METRN: variants seen among roughly 807,000 people sequenced by gnomAD.
The protein encoded by METRN is meteorin, glial cell differentiation regulator, also known as meteorin.
In METRN, 17 loss-of-function variants were observed where a neutral mutation model predicts 17.4. The ratio of observed to expected loss-of-function variants is 0.98; its 90% CI spans 0.67 to 1.46. METRN has a LOEUF of 1.46. Among genes scored for constraint, METRN ranks in the 40% most tolerant of loss-of-function variants. The pLI is 0.00. For missense variants in METRN, 489 were observed against 456.2 expected, an observed-to-expected ratio of 1.07 and a Z score of -0.65; for synonymous variants, 230 against 210.8, an observed-to-expected ratio of 1.09 and a Z score of -0.79.
In METRN at chr16:715,600, C is replaced by A. The variant is rs1433160792; in HGVS notation, c.121C>A (p.Pro41Thr). ...TGTCCCCAGCGGCCTCACCCAGGAG[C>A]CCGGCAGCGTGGGGCAGCTGGCCCT... is the stretch of plus-strand genomic sequence containing the variant. ...SWRGSGLTQEPGSVGQLALAC... is the reference protein window; with the variant it reads ...SWRGSGLTQETGSVGQLALAC... The change falls in exon 2 of 4, where the codon CCC (proline) becomes ACC (threonine). Residue 41 changes from proline to threonine, a missense_variant. Physicochemically the swap from Pro to Thr is conservative, Grantham distance 38. Transcript: ENST00000568223. The A allele has an allele frequency of 2.2e-6, 3 of 1,390,546 alleles. No individual in the cohort carries two copies. The highest frequency in any genetic ancestry group is 2.8e-6 in the Non-Finnish European group (3 of 1,078,018). 86.1% of individuals were successfully genotyped at this position (1,390,546 alleles called of 1,614,324 possible). A position where few individuals can be genotyped will look rare whatever the true frequency, so the allele number is the denominator to read the frequency against.
At position 715,150 on chromosome 16, in the gene METRN, G is replaced by A. The variant is rs2040149283; in HGVS notation, c.-140G>A. 1.1e-5 allele frequency: 2 copies of A among 181,684 alleles called. No individual in the cohort carries two copies. The highest frequency in any genetic ancestry group is 1.8e-4 in the South Asian group (1 of 5,460). 11.3% of individuals were successfully genotyped at this position (181,684 alleles called of 1,614,324 possible). ...CCCCGGCGCTGGGGCTGCGCGGCAG[G>A]CGGAGCGGCCGCGGGCTTGGGGGCT... On this transcript the variant is annotated 5_prime_UTR_variant, in exon 1 of 4. Coordinates refer to ENST00000568223, the MANE Select transcript of METRN (RefSeq NM_024042.4).
rs1258253008 is a variant in METRN, at chr16:718,294, C to G, written c.*907C>G. The G allele has an allele frequency of 6.6e-6, 1 of 152,290 alleles. No individual in the cohort carries two copies. The highest frequency in any genetic ancestry group is 1.5e-5 in the Non-Finnish European group (1 of 68,082). 9.4% of individuals were successfully genotyped at this position (152,290 alleles called of 1,614,324 possible). Reference sequence around the variant, plus strand: ...CCTGGGTGGGGGTGTTCCAGGACACCTGGCCCTGTGTGAGCTGCCTCCTCT... The same window carrying G: ...CCTGGGTGGGGGTGTTCCAGGACACGTGGCCCTGTGTGAGCTGCCTCCTCT... On this transcript the variant is annotated 3_prime_UTR_variant, in exon 4 of 4. Coordinates refer to ENST00000568223, the MANE Select transcript of METRN (RefSeq NM_024042.4).
chr16:715,398 G>T lies in METRN; in HGVS notation c.104+5G>T, dbSNP rs778255626. On this transcript the variant is annotated splice_donor_5th_base_variant and intron_variant, in intron 1 of 3. Transcript: ENST00000568223. ...GCGCTGCAGCTGGAGGGGCAGGTACGGTCCGGGGGGCTGTCCCCGCACTTA... is the reference window on the plus strand; with the variant it reads ...GCGCTGCAGCTGGAGGGGCAGGTACTGTCCGGGGGGCTGTCCCCGCACTTA... 92 of 1,296,948 alleles carry T rather than the reference G, an allele frequency of 7.1e-5. 1 individual carries two copies. The Middle Eastern group carries it at 1.2e-3, about 16-fold the overall frequency. 80.3% of individuals were successfully genotyped at this position (1,296,948 alleles called of 1,614,324 possible). A position where few individuals can be genotyped will look rare whatever the true frequency, so the allele number is the denominator to read the frequency against.
intron 1 of METRN, 56 bp downstream of exon 1, chr16:715,449 C>A (rs2040152031): frequency 8.0e-7 from 1 of 1,255,722 alleles, no homozygotes; most frequent in African/African-American, 1.6e-5. Flanking sequence ...CGGCTAGGAC[C>A]CCCCAGGCGC....
At position 717,661 on chromosome 16, in the gene METRN, C is replaced by G; in HGVS notation, c.*274C>G. 3 of 331,060 alleles carry G rather than the reference C, an allele frequency of 9.1e-6. No individual in the cohort carries two copies. The highest frequency in any genetic ancestry group is 1.6e-5 in the Non-Finnish European group (3 of 184,602). 20.5% of individuals were successfully genotyped at this position (331,060 alleles called of 1,614,324 possible). A position where few individuals can be genotyped will look rare whatever the true frequency, so the allele number is the denominator to read the frequency against. On this transcript the variant is annotated 3_prime_UTR_variant, in exon 4 of 4. Coordinates refer to ENST00000568223, the MANE Select transcript of METRN (RefSeq NM_024042.4). Reference sequence around the variant, plus strand: ...GTCAGGAGGAGCTACACCCACATTCCGGGGAGGGGCCGCTGCTGGGTGGGG... The same window carrying G: ...GTCAGGAGGAGCTACACCCACATTCGGGGGAGGGGCCGCTGCTGGGTGGGG...
In METRN at chr16:719,152, GCTT is replaced by G. The variant is rs2040185366; in HGVS notation, c.*1768_*1770del. 1 of 152,282 alleles carries G rather than the reference GCTT, an allele frequency of 6.6e-6. No individual in the cohort carries two copies. The highest frequency in any genetic ancestry group is 1.5e-5 in the Non-Finnish European group (1 of 68,114). 9.4% of individuals were successfully genotyped at this position (152,282 alleles called of 1,614,324 possible). A position where few individuals can be genotyped will look rare whatever the true frequency, so the allele number is the denominator to read the frequency against. ...TGGGCTGGGCCCTGGCCGAACCCTGGCTTCTACCTACCTGTCTCAGGAAGTGCC... is the reference window on the plus strand; with the variant it reads ...TGGGCTGGGCCCTGGCCGAACCCTGGCTACCTACCTGTCTCAGGAAGTGCC... On this transcript the variant is annotated 3_prime_UTR_variant, in exon 4 of 4. Coordinates refer to ENST00000568223, the MANE Select transcript of METRN (RefSeq NM_024042.4).
chr16:717,163 C>G lies in METRN; in HGVS notation c.658C>G (p.Pro220Ala). ...GGCCGCCCGTGTCCTCCGCCAGACA[C>G]CGCCGCTGTTCCAGGCGGGGCGATC... ...VVAARVLRQT[P>A]PLFQAGRSGD... The change falls in exon 4 of 4, where the codon CCG becomes GCG. Residue 220 changes from proline (P) to alanine (A), a missense_variant. Transcript: ENST00000568223. 1.2e-6 allele frequency: 2 copies of G among 1,605,280 alleles called. No homozygotes were observed. Among genetic ancestry groups the G allele is most frequent in the South Asian group, 1.1e-5 (1 of 90,166 alleles).
chr16:715,573 C>T lies in METRN; in HGVS notation c.105-11C>T. ...CCCCCGTCTCAGCGCCCCGTCCCGT[C>T]CTGTCCCCAGCGGCCTCACCCAGGA... On this transcript the variant is annotated splice_polypyrimidine_tract_variant and intron_variant, in intron 1 of 3. Transcript: ENST00000568223. 7.5e-7 allele frequency: 1 copy of T among 1,340,984 alleles called. No homozygotes were observed. Among genetic ancestry groups the T allele is most frequent in the Non-Finnish European group, 9.5e-7 (1 of 1,051,710 alleles). The allele number at this position is 1,340,984 out of a possible 1,614,324, so 83.1% of individuals were successfully genotyped here. A position where few individuals can be genotyped will look rare whatever the true frequency, so the allele number is the denominator to read the frequency against.
At chr16:716,247 T>G in intron 2 of METRN, 1 of 985,284 alleles carries the variant, frequency 1.0e-6, no homozygotes, top group Non-Finnish European at 1.2e-6. Context: ...GGGCCTCTGG[T>G]CCCTGAACGG....
rs1336306223 is a variant in METRN, at chr16:719,362, G to A, written c.*1975G>A. On this transcript the variant is annotated 3_prime_UTR_variant, in exon 4 of 4. Transcript: ENST00000568223. ...AAGTGGCATGGGAGATAGGGAGACA[G>A]TGTGGGTGAGCAGGTGGGCAGGAGC... 6.6e-6 allele frequency: 1 copy of A among 152,468 alleles called. No individual in the cohort carries two copies. The highest frequency in any genetic ancestry group is 2.4e-5 in the African/African-American group (1 of 41,460). The allele number at this position is 152,468 out of a possible 1,614,324, so 9.4% of individuals were successfully genotyped here.
Position 717,786 on chromosome 16 carries a change from T to G in METRN, c.*399T>G. On this transcript the variant is annotated 3_prime_UTR_variant, in exon 4 of 4. Coordinates refer to ENST00000568223, the MANE Select transcript of METRN (RefSeq NM_024042.4). ...GCCTGCTTCCCTGGCTGGCTCCCAC[T>G]TGCCTCCCGTGCCAGGTGCTTCTGG... 1 of 179,878 alleles carries G rather than the reference T, an allele frequency of 5.6e-6. No individual in the cohort carries two copies. The highest frequency in any genetic ancestry group is 1.2e-5 in the Non-Finnish European group (1 of 86,956). 11.1% of individuals were successfully genotyped at this position (179,878 alleles called of 1,614,324 possible). A position where few individuals can be genotyped will look rare whatever the true frequency, so the allele number is the denominator to read the frequency against.
intron 2 of METRN, chr16:716,185 A>G: frequency 7.1e-6 from 7 of 985,428 alleles, no homozygotes; most frequent in Non-Finnish European, 8.4e-6. Context: ...ATCTCTGGAA[A>G]GAGCTGGCAG....
In METRN at chr16:718,087, T is replaced by C; in HGVS notation, c.*700T>C. 1 of 152,422 alleles carries C rather than the reference T, an allele frequency of 6.6e-6. No homozygotes were observed. The highest frequency in any genetic ancestry group is 1.5e-5 in the Non-Finnish European group (1 of 68,088). 9.4% of individuals were successfully genotyped at this position (152,422 alleles called of 1,614,324 possible). A position where few individuals can be genotyped will look rare whatever the true frequency, so the allele number is the denominator to read the frequency against. ...GGAGCCCGAAGGGTGTGGGGTCCCC[T>C]CTGCAGGGTCCTGCTTGTTGCCTGT... On this transcript the variant is annotated 3_prime_UTR_variant, in exon 4 of 4. Transcript: ENST00000568223.
Position 715,602 on chromosome 16 carries a change from C to A in METRN, c.123C>A (p.Pro41=). Residue 41 remains proline, a synonymous_variant, in exon 2 of 4, where the codon CCC becomes CCA. Transcript: ENST00000568223. ...TCCCCAGCGGCCTCACCCAGGAGCC[C>A]GGCAGCGTGGGGCAGCTGGCCCTGG... The part of the protein sequence containing the change: ...SWRGSGLTQE[P]GSVGQLALAC... The A allele has an allele frequency of 7.2e-7, 1 of 1,392,698 alleles. No individual in the cohort carries two copies. Among genetic ancestry groups the A allele is most frequent in the Non-Finnish European group, 9.3e-7 (1 of 1,078,920 alleles). 86.3% of individuals were successfully genotyped at this position (1,392,698 alleles called of 1,614,324 possible).
In METRN at chr16:719,596, G is replaced by A. The variant is rs2040189710; in HGVS notation, c.*2209G>A. ...AAGCAGATCATGAGGTCAGGAGATG[G>A]AGACCATCCTGGCCAACATGGTGAA... On this transcript the variant is annotated 3_prime_UTR_variant, in exon 4 of 4. Coordinates refer to ENST00000568223, the MANE Select transcript of METRN (RefSeq NM_024042.4). 2 of 152,094 alleles carry A rather than the reference G, an allele frequency of 1.3e-5. No individual in the cohort carries two copies. Among genetic ancestry groups the A allele is most frequent in the Non-Finnish European group, 2.9e-5 (2 of 68,032 alleles). The allele number at this position is 152,094 out of a possible 1,614,324, so 9.4% of individuals were successfully genotyped here.
intron 2 of METRN, chr16:716,679 C>T: frequency 6.5e-7 from 1 of 1,535,432 alleles, no homozygotes; most frequent in Non-Finnish European, 8.7e-7. Flanking sequence ...TAGGCATGGC[C>T]CCCAGGCCCA....
At chr16:716,295 C>T (rs2040161286) in intron 2 of METRN, 4 of 1,376,502 alleles carry the variant, frequency 2.9e-6, no homozygotes, top group East Asian at 2.8e-5. Flanking sequence ...TCGAAGCCTC[C>T]GGCCAAAGCT....
Position 717,454 on chromosome 16 carries a change from C to T in METRN, c.*67C>T. The T allele has an allele frequency of 1.5e-6, 2 of 1,308,974 alleles. No homozygotes were observed. Among genetic ancestry groups the T allele is most frequent in the Non-Finnish European group, 9.9e-7 (1 of 1,006,916 alleles). 81.1% of individuals were successfully genotyped at this position (1,308,974 alleles called of 1,614,324 possible). ...GCCCACTGCTTTGGAGGTGATGGGACTATCAATAAGAACTCTGTTCACGCA... is the reference window on the plus strand; with the variant it reads ...GCCCACTGCTTTGGAGGTGATGGGATTATCAATAAGAACTCTGTTCACGCA... On this transcript the variant is annotated 3_prime_UTR_variant, in exon 4 of 4. Transcript: ENST00000568223.
Position 715,319 on chromosome 16 carries a change from C to T in METRN, c.30C>T (p.Cys10=), listed in dbSNP as rs2040150880. 1 of 1,348,362 alleles carries T rather than the reference C, an allele frequency of 7.4e-7. No individual in the cohort carries two copies. Among genetic ancestry groups the T allele is most frequent in the Non-Finnish European group, 9.5e-7 (1 of 1,050,594 alleles). 83.5% of individuals were successfully genotyped at this position (1,348,362 alleles called of 1,614,324 possible). A position where few individuals can be genotyped will look rare whatever the true frequency, so the allele number is the denominator to read the frequency against. MGFPAAALL[C]ALCCGLLAPA... ...GGTTCCCGGCCGCGGCGCTGCTCTGCGCGCTGTGCTGCGGCCTCCTGGCCC... is the reference window on the plus strand; with the variant it reads ...GGTTCCCGGCCGCGGCGCTGCTCTGTGCGCTGTGCTGCGGCCTCCTGGCCC... Residue 10 remains cysteine, a synonymous_variant, in exon 1 of 4, where the codon TGC becomes TGT. Coordinates refer to ENST00000568223, the MANE Select transcript of METRN (RefSeq NM_024042.4).
Sources: gnomAD v4.1 joint callset for allele counts on GRCh38, gnomAD v4.1.1 for gene constraint, MANE v1.5 for transcripts, NCBI Gene and HGNC (gene_info 2026-07-23, HGNC 2026-07-21) for gene names.